Variants in CHN2 observed in about 807,000 individuals in gnomAD.
The protein encoded by CHN2 is beta-chimaerin.
CHN2 carries 35 observed loss-of-function variants against 56.3 expected under a neutral mutation model. The observed-to-expected ratio is 0.62, with a 90% CI of 0.47 to 0.82. The LOEUF is 0.82. Ranked by LOEUF, CHN2 falls within the 40% of genes least tolerant of loss-of-function variation. CHN2 has a pLI of 0.00. For missense variants in CHN2, 491 were observed against 580.5 expected, an observed-to-expected ratio of 0.85 and a Z score of 1.58; for synonymous variants, 210 against 212.8, an observed-to-expected ratio of 0.99 and a Z score of 0.12.
At chr7:29,314,906 C>T (rs1794852097) in intron 1 of CHN2, among the ~76,000 whole-genome samples, 1 of 151,236 alleles carries the variant, frequency 6.6e-6, no homozygotes, top group African/African-American at 2.4e-5. Context: ...AATCAAGCTG[C>T]CACTTGATTA....
chr7:29,349,839 A>G (rs1797744779), intron 1 of CHN2, among the ~76,000 whole-genome samples: 1 of 152,002 alleles, frequency 6.6e-6, no homozygotes, highest in Non-Finnish European at 1.5e-5. Context: ...TTCTTGTTCT[A>G]CTTCCTCCCC....
At chr7:29,327,016 T>A (rs938114419) in intron 1 of CHN2, among the ~76,000 whole-genome samples, 2 of 152,174 alleles carry the variant, frequency 1.3e-5, no homozygotes, top group Non-Finnish European at 2.9e-5. Context: ...CAACCTGATA[T>A]ATCTGAGAAC....
chr7:29,233,904 G>A (rs2128804104), intron 1 of CHN2, among the ~76,000 whole-genome samples: 1 of 134,950 alleles, frequency 7.4e-6, no homozygotes, highest in East Asian at 2.3e-4. Flanking sequence ...CGGGATCTCG[G>A]CTCACTGCAA....
chr7:29,477,573 G>A (rs1231454809), intron 6 of CHN2, among the ~76,000 whole-genome samples: 6 of 152,216 alleles, frequency 3.9e-5, no homozygotes, highest in Non-Finnish European at 8.8e-5. Flanking sequence ...TAGCAGTGAA[G>A]GTTGGGAAAG....
intron 6 of CHN2, among the ~76,000 whole-genome samples, chr7:29,448,564 G>A (rs530804186): frequency 1.2e-3 from 179 of 152,128 alleles, no homozygotes; most frequent in African/African-American, 4.0e-3. Flanking sequence ...GTAAGATCCC[G>A]CCTCATAGAT....
Position 29,233,825 on chromosome 7 carries a change from ATT to A in CHN2, c.49+38860_49+38861del, listed in dbSNP as rs1175429614. Among the ~76,000 whole-genome samples the A allele has an allele frequency of 2.9e-3, 156 of 53,178 alleles. 1 individual carries two copies. Among genetic ancestry groups the A allele is most frequent in the African/African-American group, 3.5e-3 (51 of 14,466 alleles). The allele number at this position is 53,178 out of a possible 152,430, so 34.9% of individuals were successfully genotyped here. A position where few individuals can be genotyped will look rare whatever the true frequency, so the allele number is the denominator to read the frequency against. On this transcript the variant is annotated intron_variant, in intron 1 of 12. Coordinates refer to ENST00000222792, the MANE Select transcript of CHN2 (RefSeq NM_004067.4). ...AGAATGCAGCCCTGCCAACACCTTG[ATT>A]TTTTTTTTTTTTTTTTTTTTTTTTG...
chr7:29,411,279 G>A (rs11981975), intron 6 of CHN2, among the ~76,000 whole-genome samples: 22,068 of 152,206 alleles, frequency 0.14, 1,957 homozygotes, highest in Middle Eastern at 0.2. Context: ...TGAACAAGGA[G>A]GGTTGGAAGG....
chr7:29,351,689 G>T (rs531898080), intron 1 of CHN2, among the ~76,000 whole-genome samples: 6 of 152,166 alleles, frequency 3.9e-5, no homozygotes, highest in Non-Finnish European at 8.8e-5. Flanking sequence ...ACTCGAAAGA[G>T]CTTGGCTTGT....
intron 3 of CHN2, among the ~76,000 whole-genome samples, chr7:29,391,361 A>C (rs992712618): frequency 4.9e-5 from 2 of 40,718 alleles, no homozygotes; most frequent in East Asian, 5.7e-4. Flanking sequence ...AGGGGAGGGG[A>C]GGGGAAGGGA....
rs562231074 is a variant in CHN2 at position 29,419,902 on chromosome 7, A to G, written c.576+19074A>G. On this transcript the variant is annotated intron_variant, in intron 6 of 12. Coordinates refer to ENST00000222792, the MANE Select transcript of CHN2 (RefSeq NM_004067.4). Reference sequence around the variant, plus strand: ...TGGTGAAACCCCGTCTCTACTAAAAATACAAAAATTAGCCAGGCATGGTGG... The same window carrying G: ...TGGTGAAACCCCGTCTCTACTAAAAGTACAAAAATTAGCCAGGCATGGTGG... Among the ~76,000 whole-genome samples the G allele has an allele frequency of 1.0e-3, 152 of 152,234 alleles. 1 individual carries two copies. Among genetic ancestry groups the G allele is most frequent in the African/African-American group, 3.6e-3 (149 of 41,534 alleles).
chr7:29,369,592 CAG>C (rs1488978932), intron 3 of CHN2, among the ~76,000 whole-genome samples: 2 of 152,024 alleles, frequency 1.3e-5, no homozygotes, highest in African/African-American at 2.4e-5. Flanking sequence ...GTGAAAGAGA[CAG>C]AAAAAGAGAG....
intron 2 of CHN2, among the ~76,000 whole-genome samples, chr7:29,355,770 CTATTT>C (rs1798258106): frequency 9.2e-6 from 1 of 108,486 alleles, no homozygotes; most frequent in Admixed American, 1.1e-4. Flanking sequence ...ACAGATGGGA[CTATTT>C]TTTTTTTTTT....
intron 1 of CHN2, among the ~76,000 whole-genome samples, chr7:29,216,792 C>G (rs1584764975): frequency 1.3e-5 from 2 of 152,290 alleles, no homozygotes; most frequent in Middle Eastern, 6.8e-3. Context: ...TCAGATGAAT[C>G]AGAACGAAGG....
At chr7:29,384,908 G>C (rs1280898696) in intron 3 of CHN2, among the ~76,000 whole-genome samples, 1 of 152,220 alleles carries the variant, frequency 6.6e-6, no homozygotes, top group African/African-American at 2.4e-5. Context: ...GCTACATGCT[G>C]TGAGGTGTGG....
intron 2 of CHN2, among the ~76,000 whole-genome samples, chr7:29,188,146 A>G (rs1423826076): frequency 6.6e-6 from 1 of 152,244 alleles, no homozygotes; most frequent in African/African-American, 2.4e-5. Flanking sequence ...TGAGCACGCT[A>G]TACTTTGCTC....
intron 1 of CHN2, among the ~76,000 whole-genome samples, chr7:29,233,135 A>G (rs562134798): frequency 6.6e-6 from 1 of 152,326 alleles, no homozygotes; most frequent in Admixed American, 6.5e-5. Context: ...TTTAAACTGC[A>G]CCTTGCCACC....
At chr7:29,397,580 G>T (rs1034720) in intron 4 of CHN2, 63,253 of 151,826 alleles carry the variant, frequency 0.42, 15,305 homozygotes, top group East Asian at 0.56. Context: ...CCTGTGGGAG[G>T]AGCAGCTGTA....
chr7:29,481,858 G>A (rs1301337092), intron 7 of CHN2, among the ~76,000 whole-genome samples: 4 of 151,994 alleles, frequency 2.6e-5, no homozygotes, highest in Admixed American at 6.6e-5. Flanking sequence ...TTCATTTGGC[G>A]TTAAGAAATT....
intron 1 of CHN2, among the ~76,000 whole-genome samples, chr7:29,296,385 G>T (rs1793163608): frequency 6.6e-6 from 1 of 152,118 alleles, no homozygotes; most frequent in African/African-American, 2.4e-5. Context: ...ATGCCCAGCC[G>T]TAATCACCTT....
Sources: gnomAD v4.1 joint callset for allele counts (sites outside exome capture counted in the v4.1 genomes callset) on GRCh38, gnomAD v4.1.1 for gene constraint, MANE v1.5 for transcripts, NCBI Gene and HGNC (gene_info 2026-07-23, HGNC 2026-07-21) for gene names.